The following MTMR7 variants were observed in gnomAD, a reference collection of about 807,000 sequenced individuals.
MTMR7 encodes myotubularin related protein 7.
Under a neutral mutation model 81.2 loss-of-function variants are expected in MTMR7, and 76 were observed. The observed-to-expected ratio is 0.94, with a 90% confidence interval of 0.78 to 1.13. The LOEUF is 1.13. MTMR7 is among the 50% of genes most tolerant of loss of function. The probability of loss-of-function intolerance (pLI) is 0.00; values close to 1 mark genes in which losing one functional copy is unlikely to be tolerated. For missense variants in MTMR7, 1,044 were observed against 820.0 expected, an observed-to-expected ratio of 1.27 and a Z score of -3.34; for synonymous variants, 372 against 289.8, an observed-to-expected ratio of 1.28 and a Z score of -2.88.
chr8:17,386,934 A>G (rs979744375), intron 1 of MTMR7, among the ~76,000 whole-genome samples: 2 of 152,152 alleles, frequency 1.3e-5, no homozygotes, highest in African/African-American at 4.8e-5. Flanking sequence ...ATCCTGCCAC[A>G]CAGTCTAGTC....
At chr8:17,410,513 T>C (rs1017612839) in intron 1 of MTMR7, among the ~76,000 whole-genome samples, 1 of 152,118 alleles carries the variant, frequency 6.6e-6, no homozygotes, top group Non-Finnish European at 1.5e-5. Context: ...ACCTAGAAGT[T>C]CACTGGGATG....
intron 6 of MTMR7, 29 bp downstream of exon 6, chr8:17,341,332 CAA>C (rs1271119800): frequency 6.2e-7 from 1 of 1,611,812 alleles, no homozygotes; most frequent in African/African-American, 1.3e-5. Flanking sequence ...AACTCAGGTG[CAA>C]AGACATGCAT....
At chr8:17,386,944 C>T (rs1820961299) in intron 1 of MTMR7, among the ~76,000 whole-genome samples, 1 of 152,164 alleles carries the variant, frequency 6.6e-6, no homozygotes, top group Non-Finnish European at 1.5e-5. Context: ...ACAGTCTAGT[C>T]CCCAGGATGG....
chr8:17,394,387 A>G lies in MTMR7; in HGVS notation c.24+18882T>C, dbSNP rs189842691. On this transcript the variant is annotated intron_variant, in intron 1 of 13. Transcript: ENST00000180173. ...ATAAAAAGTAATGAAGTACTGATAT[A>G]TGCTACAACACGGATGAACCTTGAA... Among the ~76,000 whole-genome samples, 13 of 152,358 alleles carry G rather than the reference A, an allele frequency of 8.5e-5. No individual in the cohort carries two copies. The East Asian group carries it at 2.5e-3, about 29-fold the overall frequency.
intron 3 of MTMR7, among the ~76,000 whole-genome samples, chr8:17,366,714 G>C (rs1451951712): frequency 6.6e-6 from 1 of 151,982 alleles, no homozygotes; most frequent in Non-Finnish European, 1.5e-5. Context: ...GTGAAACCCT[G>C]TCTCTACTAA....
chr8:17,399,856 G>C (rs1436630259), intron 1 of MTMR7, among the ~76,000 whole-genome samples: 1 of 144,762 alleles, frequency 6.9e-6, no homozygotes, highest in East Asian at 2.0e-4. Context: ...ATATACAATG[G>C]AGCAAGACTC....
intron 6 of MTMR7, among the ~76,000 whole-genome samples, chr8:17,331,535 C>A (rs1212456220): frequency 6.6e-6 from 1 of 152,190 alleles, no homozygotes. Context: ...TACTGATAAA[C>A]CCTTCTGGAG....
Position 17,361,192 on chromosome 8 carries a change from A to G in MTMR7, c.393T>C (p.Asp131=), listed in dbSNP as rs568575574. 2 of 1,614,170 alleles carry G rather than the reference A, an allele frequency of 1.2e-6. No homozygotes were observed. Residue 131 remains aspartate, a synonymous_variant, in exon 4 of 14, where the codon GAT becomes GAC. Coordinates refer to ENST00000180173, the MANE Select transcript of MTMR7 (RefSeq NM_004686.5). The part of the protein sequence containing the change: ...EEREQGWVLI[D]LSEEYTRMGL... ...CCATCCGCGTGTATTCTTCACTAAG[A>G]TCGATCAGCACCCAGCCTTGCTCTC...
intron 1 of MTMR7, among the ~76,000 whole-genome samples, chr8:17,386,270 C>T (rs1218817924): frequency 6.6e-6 from 1 of 152,168 alleles, no homozygotes; most frequent in African/African-American, 2.4e-5. Flanking sequence ...CCCAGCTAAT[C>T]AGAGGGCTAA....
At chr8:17,383,585 G>T (rs1003289283) in intron 1 of MTMR7, among the ~76,000 whole-genome samples, 1 of 152,162 alleles carries the variant, frequency 6.6e-6, no homozygotes, top group Non-Finnish European at 1.5e-5. Context: ...GCAAATGAAG[G>T]AAAAACATCC....
chr8:17,394,426 G>C (rs974612917), intron 1 of MTMR7, among the ~76,000 whole-genome samples: 3 of 152,024 alleles, frequency 2.0e-5, no homozygotes, highest in African/African-American at 7.2e-5. Flanking sequence ...CTTAAGTTAC[G>C]CTTAACTGAA....
At chr8:17,331,797 T>C (rs1819017284) in intron 6 of MTMR7, among the ~76,000 whole-genome samples, 1 of 152,158 alleles carries the variant, frequency 6.6e-6, no homozygotes, top group Admixed American at 6.5e-5. Context: ...CAGTTAAACC[T>C]TGAGCAGGAA....
chr8:17,323,183 G>T (rs900230561), intron 7 of MTMR7, among the ~76,000 whole-genome samples: 1 of 151,796 alleles, frequency 6.6e-6, no homozygotes, highest in African/African-American at 2.4e-5. Context: ...CTGACCTCAG[G>T]TTATCCACCT....
rs1186830901 is a variant in MTMR7 at position 17,304,535 on chromosome 8, TA to T, written c.1353-17del. ...TTCTTGAATCCTGTTATAAAGAAAA[TA>T]AGTCTATAAATGACCTATTTTGGTG... On this transcript the variant is annotated splice_polypyrimidine_tract_variant and intron_variant, in intron 11 of 13. Coordinates refer to ENST00000180173, the MANE Select transcript of MTMR7 (RefSeq NM_004686.5). 1.2e-6 allele frequency: 2 copies of T among 1,610,546 alleles called. No homozygotes were observed. The highest frequency in any genetic ancestry group is 2.2e-5 in the South Asian group (2 of 90,962).
At chr8:17,374,645 T>C (rs1452310900) in intron 1 of MTMR7, among the ~76,000 whole-genome samples, 1 of 150,580 alleles carries the variant, frequency 6.6e-6, no homozygotes, top group Non-Finnish European at 1.5e-5. Flanking sequence ...ATAAATAAAA[T>C]AAAATAAAAG....
chr8:17,317,433 A>G (rs115128487), intron 7 of MTMR7, among the ~76,000 whole-genome samples: 83 of 152,256 alleles, frequency 5.5e-4, no homozygotes, highest in African/African-American at 1.9e-3. Context: ...GGCAGTAACC[A>G]TGGGTCTCAT....
chr8:17,391,260 T>C (rs753959245), intron 1 of MTMR7, among the ~76,000 whole-genome samples: 3 of 151,848 alleles, frequency 2.0e-5, no homozygotes, highest in African/African-American at 4.8e-5. Context: ...CTGAGTAGGG[T>C]AGGAAGCAAC....
At chr8:17,352,554 T>C (rs568955651) in intron 4 of MTMR7, among the ~76,000 whole-genome samples, 19 of 152,306 alleles carry the variant, frequency 1.2e-4, no homozygotes, top group South Asian at 1.2e-3. Context: ...TGATTTATTA[T>C]GTATGACAGC....
intron 6 of MTMR7, among the ~76,000 whole-genome samples, chr8:17,335,156 G>A (rs561859025): frequency 3.3e-5 from 5 of 152,146 alleles, no homozygotes; most frequent in Non-Finnish European, 7.4e-5. Context: ...AATAAGGAGC[G>A]AGCAGAGAGG....
Sources: gnomAD v4.1 joint callset for allele counts (sites outside exome capture counted in the v4.1 genomes callset) on GRCh38, gnomAD v4.1.1 for gene constraint, MANE v1.5 for transcripts, NCBI Gene and HGNC (gene_info 2026-07-23, HGNC 2026-07-21) for gene names.